The following OCRL variants were observed in gnomAD, a reference collection of about 807,000 sequenced individuals.
OCRL encodes OCRL inositol polyphosphate-5-phosphatase.
A neutral mutation model predicts 78.9 loss-of-function variants in OCRL; 8 were observed. That is an observed-to-expected ratio of 0.10 (90% CI 0.06 to 0.18). The LOEUF is 0.18. OCRL is among the 10% of genes least tolerant of loss of function. OCRL has a pLI of 1.00. For missense variants in OCRL, 454 were observed against 696.7 expected (o/e 0.65, Z 3.92); for synonymous variants, 240 against 235.4 (o/e 1.02, Z -0.18).
intron 2 of OCRL, among the ~76,000 whole-genome samples, chrX:129,542,170 G>A (rs1318336650): frequency 9.1e-6 from 1 of 109,719 alleles, no homozygotes; most frequent in Non-Finnish European, 1.9e-5. Flanking sequence ...ACATTGTTGA[G>A]ATGACCACAG....
intron 13 of OCRL, among the ~76,000 whole-genome samples, chrX:129,566,595 A>G (rs767396311): frequency 8.9e-6 from 1 of 112,261 alleles, no homozygotes; most frequent in South Asian, 3.7e-4. Flanking sequence ...GAGGGAGGAA[A>G]ATGTTTTGAC....
chrX:129,590,413 A>C lies in OCRL; in HGVS notation c.*143A>C. On this transcript the variant is annotated 3_prime_UTR_variant, in exon 24 of 24. Coordinates refer to ENST00000371113, the MANE Select transcript of OCRL (RefSeq NM_000276.4). ...ATAGTAAAAAGGAAGAGCGTTTCCT[A>C]ATCCCTCCTTTACCATATCCTACAC... The C allele has an allele frequency of 4.1e-6, 3 of 738,754 alleles. No individual in the cohort carries two copies. The South Asian group carries it at 6.8e-5, about 17-fold the overall frequency. The allele number at this position is 738,754 out of a possible 1,213,427, so 60.9% of individuals were successfully genotyped here.
intron 10 of OCRL, 84 bp downstream of exon 10, chrX:129,561,377 A>G: frequency 1.7e-6 from 1 of 601,115 alleles, no homozygotes; most frequent in Non-Finnish European, 2.9e-6. Flanking sequence ...ACTTGTTCCA[A>G]AAGAATAGTT....
At chrX:129,576,845 C>G (rs749955160) in intron 18 of OCRL, among the ~76,000 whole-genome samples, 57 of 111,779 alleles carry the variant, frequency 5.1e-4, no homozygotes, top group African/African-American at 1.8e-3. Flanking sequence ...GCTCTTCATA[C>G]TCTCAAGTCA....
chrX:129,573,904 A>G (rs1173372150), intron 15 of OCRL, among the ~76,000 whole-genome samples: 1 of 111,605 alleles, frequency 9.0e-6, no homozygotes, highest in Non-Finnish European at 1.9e-5. Flanking sequence ...CATGGTGTAT[A>G]TTTACCACAT....
At chrX:129,571,893 C>G (rs1385489478) in intron 15 of OCRL, among the ~76,000 whole-genome samples, 1 of 111,177 alleles carries the variant, frequency 9.0e-6, no homozygotes, top group Non-Finnish European at 1.9e-5. Context: ...CCTAAACCCC[C>G]ATTCCCCAGC....
intron 2 of OCRL, among the ~76,000 whole-genome samples, chrX:129,542,834 T>C (rs1935827918): frequency 9.0e-6 from 1 of 111,651 alleles, no homozygotes; most frequent in Admixed American, 9.5e-5. Context: ...CTGACTCGAG[T>C]GTCCAGAACT....
intron 14 of OCRL, among the ~76,000 whole-genome samples, chrX:129,567,899 A>AC (rs1460143028): frequency 1.1e-5 from 1 of 91,149 alleles, no homozygotes; most frequent in African/African-American, 4.1e-5. Context: ...TGTTTAGTAG[A>AC]CCCTTTTTTT....
intron 18 of OCRL, among the ~76,000 whole-genome samples, chrX:129,581,694 T>C (rs1283877367): frequency 1.0e-5 from 1 of 99,876 alleles, no homozygotes; most frequent in Non-Finnish European, 2.0e-5. Flanking sequence ...ATATATATAC[T>C]TAGAAATTAT....
chrX:129,542,594 G>T (rs779532638), intron 2 of OCRL, among the ~76,000 whole-genome samples: 4 of 110,329 alleles, frequency 3.6e-5, no homozygotes, highest in Non-Finnish European at 7.6e-5. Context: ...ACATGTGAGG[G>T]TTACTATAAG....
intron 10 of OCRL, among the ~76,000 whole-genome samples, chrX:129,561,895 C>A (rs1167071423): frequency 9.0e-6 from 1 of 111,578 alleles, no homozygotes; most frequent in Admixed American, 9.5e-5. Context: ...TAATAAAACT[C>A]CTGGGGATGT....
intron 22 of OCRL, 175 bp from the exon 23 acceptor site, chrX:129,589,670 T>C (rs768249431): frequency 2.9e-4 from 133 of 459,365 alleles, no homozygotes; most frequent in South Asian, 4.7e-4. Flanking sequence ...ACTCTTACTT[T>C]GAAGTTATAA....
At chrX:129,568,059 G>A (rs954619349) in intron 14 of OCRL, among the ~76,000 whole-genome samples, 4 of 110,313 alleles carry the variant, frequency 3.6e-5, no homozygotes, top group African/African-American at 6.6e-5. Flanking sequence ...GACTACAGGC[G>A]CCCGCCACCA....
At chrX:129,575,576 C>G (rs1936358606) in intron 16 of OCRL, 1 of 381,358 alleles carries the variant, frequency 2.6e-6, no homozygotes, top group Non-Finnish European at 4.6e-6. Context: ...TTCAGAGTTG[C>G]TAGTTAATTT....
chrX:129,558,527 T>C (rs866976484), intron 6 of OCRL, 106 bp from the exon 7 acceptor site: 3 of 953,352 alleles, frequency 3.1e-6, no homozygotes. Flanking sequence ...GTTTTCTGTT[T>C]AGTAATACCA....
chrX:129,544,935 T>C (rs1484101982), intron 2 of OCRL, 23 bp from the exon 3 acceptor site: 28 of 1,002,734 alleles, frequency 2.8e-5, no homozygotes, highest in Non-Finnish European at 3.7e-5. Context: ...GGCTGTTCTT[T>C]GATGCGTTCT....
intron 19 of OCRL, among the ~76,000 whole-genome samples, chrX:129,585,863 T>C (rs905774849): frequency 3.6e-5 from 4 of 111,980 alleles, no homozygotes; most frequent in African/African-American, 1.3e-4. Flanking sequence ...ATGTGGTCTC[T>C]GTCAAAGTAG....
chrX:129,540,749 C>T lies in OCRL; in HGVS notation c.45C>T (p.Val15=), dbSNP rs1417460370. ...LPVGAQPLAT[V]EGMEMKGPLR... ...CCCTTGACTAGCGCCCGCATACTGT[C>T]GAGGGTATGGAGATGAAGGGTCCTC... Residue 15 remains valine (V), a synonymous_variant, in exon 2 of 24, where the codon GTC becomes GTT. Transcript: ENST00000371113. 8.3e-7 allele frequency: 1 copy of T among 1,208,966 alleles called. No homozygotes were observed. The highest frequency in any genetic ancestry group is 1.8e-5 in the South Asian group (1 of 56,895).
chrX:129,573,793 C>T (rs1465696944), intron 15 of OCRL, among the ~76,000 whole-genome samples: 3 of 111,663 alleles, frequency 2.7e-5, no homozygotes, highest in Non-Finnish European at 5.6e-5. Flanking sequence ...CTCCTGACCT[C>T]TAGTGATCCT....
Sources: gnomAD v4.1 joint callset for allele counts (sites outside exome capture counted in the v4.1 genomes callset) on GRCh38, gnomAD v4.1.1 for gene constraint, MANE v1.5 for transcripts, NCBI Gene and HGNC (gene_info 2026-07-23, HGNC 2026-07-21) for gene names.